The following LAS1L variants were observed in gnomAD, a reference collection of about 807,000 sequenced individuals.
LAS1L encodes the protein ribosomal biogenesis protein LAS1L.
LAS1L carries 5 observed loss-of-function variants against 57.3 expected under a neutral mutation model. The observed-to-expected ratio is 0.09, with a 90% CI of 0.05 to 0.18. LAS1L has a LOEUF of 0.18. LAS1L is among the 10% of genes least tolerant of loss of function. The pLI is 1.00. For synonymous variants in LAS1L, 245 were observed against 231.7 expected (o/e 1.06, Z -0.52); for missense variants, 360 against 568.3 (o/e 0.63, Z 3.73).
intron 12 of LAS1L, among the ~76,000 whole-genome samples, chrX:65,517,413 A>G (rs1345954434): frequency 5.5e-5 from 6 of 109,597 alleles, no homozygotes; most frequent in Non-Finnish European, 1.1e-4. Context: ...ACGCCCAGCT[A>G]ATTTTTTTTT....
At chrX:65,528,470 C>G in intron 6 of LAS1L, 101 bp from the exon 7 acceptor site, 1 of 496,990 alleles carries the variant, frequency 2.0e-6, no homozygotes, top group Non-Finnish European at 3.5e-6. Context: ...CACTGCCCTG[C>G]AGGGGACAGG....
intron 4 of LAS1L, 136 bp downstream of exon 4, chrX:65,531,221 C>T (rs2069472800): frequency 5.3e-6 from 2 of 374,975 alleles, no homozygotes; most frequent in East Asian, 3.9e-5. Flanking sequence ...GTGCCCAAGG[C>T]GAGGCCTCAC....
intron 5 of LAS1L, 99 bp downstream of exon 5, chrX:65,529,495 G>A: frequency 1.1e-6 from 1 of 941,558 alleles, no homozygotes; most frequent in South Asian, 2.4e-5. Flanking sequence ...ATTCACCACA[G>A]CCCCAGAGGA....
chrX:65,524,660 C>A, intron 8 of LAS1L, 46 bp from the exon 9 acceptor site: 1 of 520,842 alleles, frequency 1.9e-6, no homozygotes, highest in South Asian at 2.6e-5. Context: ...AAGGCCCCTC[C>A]AATTCTGCTG....
At chrX:65,527,436 C>G (rs1361579867) in intron 7 of LAS1L, among the ~76,000 whole-genome samples, 1 of 109,960 alleles carries the variant, frequency 9.1e-6, no homozygotes, top group Non-Finnish European at 1.9e-5. Flanking sequence ...ACTTAGGAGG[C>G]TGAGGTGGGA....
At chrX:65,530,357 C>T (rs1252460171) in intron 4 of LAS1L, among the ~76,000 whole-genome samples, 1 of 112,003 alleles carries the variant, frequency 8.9e-6, no homozygotes, top group Non-Finnish European at 1.9e-5. Context: ...GTATGTGAGA[C>T]TAATGAGGCA....
intron 2 of LAS1L, among the ~76,000 whole-genome samples, chrX:65,533,349 G>A (rs2069600279): frequency 9.1e-6 from 1 of 109,480 alleles, no homozygotes; most frequent in South Asian, 4.2e-4. Context: ...AGATCACCTG[G>A]TCTGAATCCC....
At chrX:65,523,864 AG>A (rs1237767011) in intron 10 of LAS1L, among the ~76,000 whole-genome samples, 157 bp from the exon 11 acceptor site, 1 of 110,742 alleles carries the variant, frequency 9.0e-6, no homozygotes, top group Non-Finnish European at 1.9e-5. Flanking sequence ...GCCCCAGCCC[AG>A]TTTAGTTGGC....
chrX:65,516,814 C>T (rs933077630), intron 12 of LAS1L, among the ~76,000 whole-genome samples: 1 of 111,230 alleles, frequency 9.0e-6, no homozygotes, highest in African/African-American at 3.3e-5. Context: ...TACACACACA[C>T]ACAGAGAGAC....
chrX:65,531,063 T>C (rs781059735), intron 4 of LAS1L, among the ~76,000 whole-genome samples: 1 of 112,358 alleles, frequency 8.9e-6, no homozygotes, highest in East Asian at 2.8e-4. Flanking sequence ...TGCCAAGCCA[T>C]GTTGGAAGCT....
At chrX:65,518,712 G>T in intron 11 of LAS1L, 1 of 541,097 alleles carries the variant, frequency 1.8e-6, no homozygotes, top group South Asian at 9.5e-5. Flanking sequence ...GTATAGGATT[G>T]TTGGGAGGAG....
intron 12 of LAS1L, among the ~76,000 whole-genome samples, chrX:65,517,220 G>T (rs2068668294): frequency 9.3e-6 from 1 of 107,364 alleles, no homozygotes. Context: ...CTGACTTAAT[G>T]CCCTAGGTTC....
At chrX:65,526,034 G>A (rs1012701680) in intron 7 of LAS1L, among the ~76,000 whole-genome samples, 1 of 111,001 alleles carries the variant, frequency 9.0e-6, no homozygotes, top group Non-Finnish European at 1.9e-5. Flanking sequence ...ATTAGTTTCC[G>A]CAAGAGCTGG....
intron 7 of LAS1L, among the ~76,000 whole-genome samples, chrX:65,527,879 G>A (rs899772595): frequency 8.9e-6 from 1 of 111,771 alleles, no homozygotes; most frequent in Admixed American, 9.5e-5. Context: ...AAGACTAGCA[G>A]TGCCCACCAT....
At chrX:65,513,831 G>T (rs1176881275) in intron 13 of LAS1L, among the ~76,000 whole-genome samples, 1 of 112,444 alleles carries the variant, frequency 8.9e-6, no homozygotes, top group African/African-American at 3.2e-5. Flanking sequence ...CCAGGGCCAG[G>T]CTGGTTGGGA....
At chrX:65,534,044 T>C (rs1312983378) in intron 1 of LAS1L, among the ~76,000 whole-genome samples, 1 of 111,359 alleles carries the variant, frequency 9.0e-6, no homozygotes, top group Non-Finnish European at 1.9e-5. Context: ...CCCTTATCCC[T>C]TGTAAGTCGG....
intron 4 of LAS1L, 94 bp from the exon 5 acceptor site, chrX:65,529,972 A>G: frequency 7.4e-6 from 6 of 814,408 alleles, no homozygotes; most frequent in Non-Finnish European, 6.9e-6. Context: ...AGGCCCCAGG[A>G]AAAGGCTTGG....
chrX:65,517,664 C>T (rs755317771), intron 12 of LAS1L, among the ~76,000 whole-genome samples: 2 of 112,499 alleles, frequency 1.8e-5, no homozygotes, highest in Non-Finnish European at 3.8e-5. Flanking sequence ...GTGAAAAACA[C>T]GTGCAGAACC....
rs139066035 is a variant in LAS1L at position 65,517,740 on chromosome X, C to T, written c.1927+247G>A. ...CTATGTTACTGCCCAGGGCTCACAC[C>T]CATGTCATCCTCTCAGAATGTGCTC... On this transcript the variant is annotated intron_variant, in intron 12 of 13. Coordinates refer to ENST00000374811, the MANE Select transcript of LAS1L (RefSeq NM_031206.7). Among the ~76,000 whole-genome samples the T allele has an allele frequency of 7.8e-3, 876 of 112,568 alleles. 4 individuals carry two copies. Among genetic ancestry groups the T allele is most frequent in the Middle Eastern group, 0.032 (7 of 216 alleles).
Sources: gnomAD v4.1 joint callset for allele counts (sites outside exome capture counted in the v4.1 genomes callset) on GRCh38, gnomAD v4.1.1 for gene constraint, MANE v1.5 for transcripts, NCBI Gene and HGNC (gene_info 2026-07-23, HGNC 2026-07-21) for gene names.